CCDC38: variants seen among roughly 807,000 people sequenced by gnomAD.
The protein encoded by CCDC38 is coiled-coil domain-containing protein 38.
CCDC38 carries 69 observed loss-of-function variants against 72.8 expected under a neutral mutation model. The ratio of observed to expected loss-of-function variants is 0.95; its 90% CI spans 0.78 to 1.16. The LOEUF is 1.16. Ranked by LOEUF, CCDC38 falls within the 50% of genes most tolerant of loss-of-function variation. CCDC38 has a pLI of 0.00. For missense variants in CCDC38, 626 were observed against 638.9 expected (o/e 0.98, Z 0.22); for synonymous variants, 201 against 213.2 (o/e 0.94, Z 0.50).
intron 4 of CCDC38, among the ~76,000 whole-genome samples, chr12:95,913,455 C>A (rs1014771786): frequency 1.3e-5 from 2 of 151,884 alleles, no homozygotes; most frequent in African/African-American, 4.8e-5. Flanking sequence ...CTGTTTCTCT[C>A]CTTTCTCCCT....
intron 5 of CCDC38, among the ~76,000 whole-genome samples, chr12:95,902,640 G>A (rs2079962129): frequency 6.6e-6 from 1 of 152,094 alleles, no homozygotes; most frequent in South Asian, 2.1e-4. Context: ...CATTTTGCTT[G>A]TTTCCTACAT....
At chr12:95,915,237 G>A (rs17311495) in intron 4 of CCDC38, among the ~76,000 whole-genome samples, 13,992 of 152,142 alleles carry the variant, frequency 0.092, 811 homozygotes, top group Non-Finnish European at 0.12. Flanking sequence ...TGAACCAAGA[G>A]GCCATGAATT....
chr12:95,919,800 T>C, intron 2 of CCDC38: 1 of 297,576 alleles, frequency 3.4e-6, no homozygotes, highest in South Asian at 3.1e-5. Context: ...CTGCCCAGAT[T>C]AGAGAGTCTT....
In CCDC38 at chr12:95,898,582, T is replaced by C. The variant is rs2079916877; in HGVS notation, c.519A>G (p.Val173=). ...EFLRENDQRS[V]DALKMAAQET... Reference sequence around the variant, plus strand: ...ATGAAACAAACATTTTCAGAGCGTCTACAGATCTCTGGTCATTTTCTCGAA... The same window carrying C: ...ATGAAACAAACATTTTCAGAGCGTCCACAGATCTCTGGTCATTTTCTCGAA... The change falls in exon 6 of 16, where the codon GTA becomes GTG. Residue 173 remains valine (V), a synonymous_variant. Transcript: ENST00000344280. The C allele has an allele frequency of 1.2e-6, 2 of 1,614,178 alleles. No homozygotes were observed. Among genetic ancestry groups the C allele is most frequent in the South Asian group, 2.2e-5 (2 of 91,076 alleles).
At position 95,898,477 on chromosome 12, in the gene CCDC38, T is replaced by G; in HGVS notation, c.534-12A>C. 6.2e-7 allele frequency: 1 copy of G among 1,613,948 alleles called. No individual in the cohort carries two copies. The highest frequency in any genetic ancestry group is 1.7e-5 in the Admixed American group (1 of 59,988). On this transcript the variant is annotated splice_polypyrimidine_tract_variant and intron_variant, in intron 6 of 15. Transcript: ENST00000344280. ...TTTCCTGTGCTGCCCTGAAAAGCAA[T>G]GAAGATCTGTTAATTTGCTTCTTAG...
intron 6 of CCDC38, 50 bp from the exon 7 acceptor site, chr12:95,898,515 A>G (rs749200324): frequency 1.2e-6 from 2 of 1,614,116 alleles, no homozygotes; most frequent in Non-Finnish European, 1.7e-6. Flanking sequence ...ACAAACAAAC[A>G]AACAAACAAA....
chr12:95,919,788 C>T, intron 2 of CCDC38: 1 of 330,430 alleles, frequency 3.0e-6, no homozygotes, highest in Admixed American at 3.8e-5. Context: ...TAGGGAGAGC[C>T]TCTGCCCAGA....
In CCDC38 at chr12:95,919,461, G is replaced by A. The variant is rs193176763; in HGVS notation, c.38-485C>T. ...TACCTATTAAGTTAGGTTGCAGTTC[G>A]TTCACAAGGACTCAAATATAGAAGT... is the stretch of plus-strand genomic sequence containing the variant. On this transcript the variant is annotated intron_variant, in intron 2 of 15. Coordinates refer to ENST00000344280, the MANE Select transcript of CCDC38 (RefSeq NM_182496.3). 656 of 449,904 alleles carry A rather than the reference G, an allele frequency of 1.5e-3. 3 individuals carry two copies. The highest frequency in any genetic ancestry group is 4.8e-3 in the Middle Eastern group (13 of 2,700). The allele number at this position is 449,904 out of a possible 1,614,324, so 27.9% of individuals were successfully genotyped here. A position where few individuals can be genotyped will look rare whatever the true frequency, so the allele number is the denominator to read the frequency against.
In CCDC38 at chr12:95,879,926, G is replaced by A. The variant is rs2079680617; in HGVS notation, c.991-131C>T. On this transcript the variant is annotated intron_variant, in intron 11 of 15. Transcript: ENST00000344280. The surrounding 1 kb of genome is among the most constrained non-coding windows in gnomAD (Gnocchi z 5.5). ...ATGAGGGAGACACAGGTAGGAACTT[G>A]TATGGGAAACTCGCCTATTTCCAAG... The A allele has an allele frequency of 1.6e-6, 1 of 608,038 alleles. No homozygotes were observed. The highest frequency in any genetic ancestry group is 2.7e-6 in the Non-Finnish European group (1 of 369,656). 37.7% of individuals were successfully genotyped at this position (608,038 alleles called of 1,614,324 possible). A position where few individuals can be genotyped will look rare whatever the true frequency, so the allele number is the denominator to read the frequency against.
intron 8 of CCDC38, among the ~76,000 whole-genome samples, chr12:95,893,432 TCCCTCC>T (rs2079851748): frequency 2.0e-5 from 1 of 50,988 alleles, no homozygotes; most frequent in Admixed American, 2.5e-4. Context: ...CCTCCCTCCC[TCCCTCC>T]CTCCCTTCCT....
At position 95,869,910 on chromosome 12, in the gene CCDC38, A is replaced by G. The variant is rs544000265; in HGVS notation, c.1485-337T>C. 3.0e-5 allele frequency: 6 copies of G among 198,872 alleles called. No homozygotes were observed. In the South Asian group the frequency reaches 4.0e-4, roughly 13 times the overall value. The allele number at this position is 198,872 out of a possible 1,614,324, so 12.3% of individuals were successfully genotyped here. A position where few individuals can be genotyped will look rare whatever the true frequency, so the allele number is the denominator to read the frequency against. ...ATGATCTTGGCTCACTGCAACCTCT[A>G]CCTCCTGGGTTCAAGCAGTTCTCCT... is the stretch of plus-strand genomic sequence containing the variant. On this transcript the variant is annotated intron_variant, in intron 14 of 15. Transcript: ENST00000344280.
chr12:95,890,070 C>A (rs990841161), intron 9 of CCDC38, among the ~76,000 whole-genome samples: 1 of 152,070 alleles, frequency 6.6e-6, no homozygotes, highest in Admixed American at 6.6e-5. Context: ...TACCACCATG[C>A]CCAGCTAATT....
intron 4 of CCDC38, among the ~76,000 whole-genome samples, chr12:95,912,937 T>G (rs1031668130): frequency 6.6e-6 from 1 of 152,046 alleles, no homozygotes; most frequent in Admixed American, 6.6e-5. Context: ...CGTGTGTGCC[T>G]GTAGTCCCAG....
At position 95,914,186 on chromosome 12, in the gene CCDC38, AT is replaced by A. The variant is rs542884308; in HGVS notation, c.304+2942del. ...TAAAAATACAAAAAATTAGCCAGGT[AT>A]AGTGGCATGTGCTTGTAGTCCCAGC... On this transcript the variant is annotated intron_variant, in intron 4 of 15. Coordinates refer to ENST00000344280, the MANE Select transcript of CCDC38 (RefSeq NM_182496.3). 7.3e-3 allele frequency among the ~76,000 whole-genome samples: 1,110 copies of A among 152,286 alleles called. 5 individuals are homozygous for A. The highest frequency in any genetic ancestry group is 0.024 in the African/African-American group (1,014 of 41,554).
At chr12:95,926,902 A>C (rs1443109251) in intron 2 of CCDC38, among the ~76,000 whole-genome samples, 5 of 151,866 alleles carry the variant, frequency 3.3e-5, no homozygotes, top group African/African-American at 1.2e-4. Flanking sequence ...CTGTGGTCTG[A>C]GAGATAGTTT....
At chr12:95,884,427 A>G (rs1252920790) in intron 10 of CCDC38, among the ~76,000 whole-genome samples, 1 of 152,280 alleles carries the variant, frequency 6.6e-6, no homozygotes, top group Non-Finnish European at 1.5e-5. Context: ...AAATCAAAGA[A>G]GATCTAAACA....
intron 7 of CCDC38, among the ~76,000 whole-genome samples, chr12:95,898,149 T>A (rs1485412619): frequency 1.3e-5 from 2 of 152,256 alleles, no homozygotes. Context: ...TTCATCTAAC[T>A]TCTTTGCTTC....
chr12:95,879,897 A>G lies in CCDC38; in HGVS notation c.991-102T>C. The G allele has an allele frequency of 1.2e-6, 1 of 855,728 alleles. No homozygotes were observed. Among genetic ancestry groups the G allele is most frequent in the Non-Finnish European group, 1.8e-6 (1 of 568,438 alleles). The allele number at this position is 855,728 out of a possible 1,614,324, so 53.0% of individuals were successfully genotyped here. On this transcript the variant is annotated intron_variant, in intron 11 of 15. Coordinates refer to ENST00000344280, the MANE Select transcript of CCDC38 (RefSeq NM_182496.3). The surrounding 1 kb of genome is among the most constrained non-coding windows in gnomAD (Gnocchi z 5.5). ...CAGTGGGGTAAAGGAAGACAGTTCT[A>G]AGGATGAGGGAGACACAGGTAGGAA...
intron 4 of CCDC38, among the ~76,000 whole-genome samples, chr12:95,913,671 A>T (rs2080117018): frequency 6.6e-6 from 1 of 152,228 alleles, no homozygotes; most frequent in Non-Finnish European, 1.5e-5. Flanking sequence ...GAGGAAAATG[A>T]TGCAATATAT....
Sources: allele counts gnomAD v4.1 joint callset (sites outside exome capture counted in the v4.1 genomes callset), GRCh38; gene constraint gnomAD v4.1.1; non-coding constraint Gnocchi (gnomAD v3.1); transcripts MANE v1.5; gene names NCBI Gene and HGNC (gene_info 2026-07-23, HGNC 2026-07-21).